The following ATP10A variants were observed in gnomAD, a reference collection of about 807,000 sequenced individuals.
The protein encoded by ATP10A is ATPase phospholipid transporting 10A (putative).
A neutral mutation model predicts 147.8 loss-of-function variants in ATP10A; 111 were observed. That is an observed-to-expected ratio of 0.75 (90% confidence interval 0.64 to 0.88). ATP10A has a LOEUF of 0.88. Ranked by LOEUF, ATP10A falls within the 40% of genes least tolerant of loss-of-function variation. ATP10A has a pLI of 0.00. For synonymous variants in ATP10A, 875 were observed against 841.6 expected (o/e 1.04, Z -0.69); for missense variants, 1,927 against 1,959.0 (o/e 0.98, Z 0.31).
chr15:25,811,969 C>T (rs1891453601), intron 1 of ATP10A, among the ~76,000 whole-genome samples: 1 of 152,208 alleles, frequency 6.6e-6, no homozygotes, highest in Admixed American at 6.5e-5. Context: ...CGCTCCAGCC[C>T]CAGCTGGTGC....
chr15:25,711,466 C>T (rs1236793810), intron 10 of ATP10A, among the ~76,000 whole-genome samples: 4 of 152,040 alleles, frequency 2.6e-5, no homozygotes, highest in Admixed American at 6.5e-5. Context: ...TGGGTAACTT[C>T]GAGGGGACTC....
intron 2 of ATP10A, among the ~76,000 whole-genome samples, chr15:25,769,170 G>C (rs149645516): frequency 1.3e-5 from 2 of 152,160 alleles, no homozygotes; most frequent in African/African-American, 4.8e-5. Context: ...TTGATCCACT[G>C]TTATCCACAG....
At chr15:25,696,170 G>C (rs182571977) in intron 13 of ATP10A, among the ~76,000 whole-genome samples, 80 of 152,314 alleles carry the variant, frequency 5.3e-4, no homozygotes, top group Non-Finnish European at 5.6e-4. Flanking sequence ...ACACACCACG[G>C]AAATCCAGCT....
intron 15 of ATP10A, among the ~76,000 whole-genome samples, chr15:25,688,879 G>A (rs988520692): frequency 6.6e-6 from 1 of 152,190 alleles, no homozygotes; most frequent in African/African-American, 2.4e-5. Context: ...TTCGTGTTCT[G>A]TAATGCTTTA....
chr15:25,777,891 C>T (rs1395436799), intron 2 of ATP10A, among the ~76,000 whole-genome samples: 11 of 150,802 alleles, frequency 7.3e-5, no homozygotes, highest in Non-Finnish European at 1.2e-4. Context: ...GGATTATGGG[C>T]GTGAGCCACT....
chr15:25,701,936 T>C lies in ATP10A; in HGVS notation c.2740A>G (p.Thr914Ala), dbSNP rs1283997114. 1 of 1,609,484 alleles carries C rather than the reference T, an allele frequency of 6.2e-7. No homozygotes were observed. Among genetic ancestry groups the C allele is most frequent in the African/African-American group, 1.3e-5 (1 of 74,814 alleles). ...KLLDHDEEVI[T>A]LNATSQEACA... ...CCTACCTGGGAGGTGGCATTCAGGG[T>C]GATGACCTCCTCGTCGTGGTCCAGC... The change falls in exon 13 of 21, where the codon ACC (threonine) becomes GCC (alanine). Residue 914 changes from threonine (T) to alanine (A), a missense_variant. By Grantham distance (58) the Thr-to-Ala change is moderately conservative. Coordinates refer to ENST00000555815, the MANE Select transcript of ATP10A (RefSeq NM_024490.4).
At chr15:25,805,564 T>G (rs912383430) in intron 1 of ATP10A, among the ~76,000 whole-genome samples, 1 of 152,164 alleles carries the variant, frequency 6.6e-6, no homozygotes, top group Non-Finnish European at 1.5e-5. Flanking sequence ...CAGATAAAAG[T>G]CACAGTCTTC....
At chr15:25,749,450 G>C (rs562637143) in intron 2 of ATP10A, among the ~76,000 whole-genome samples, 1 of 152,282 alleles carries the variant, frequency 6.6e-6, no homozygotes, top group South Asian at 2.1e-4. Flanking sequence ...AGGGAACTTA[G>C]GAAAGTCTTG....
chr15:25,779,920 G>C (rs1202181190), intron 2 of ATP10A, among the ~76,000 whole-genome samples: 1 of 150,652 alleles, frequency 6.6e-6, no homozygotes, highest in African/African-American at 2.5e-5. Context: ...AATCAGCCCG[G>C]TTGGAACAGT....
At chr15:25,800,158 A>G (rs1233892991) in intron 1 of ATP10A, among the ~76,000 whole-genome samples, 1 of 152,320 alleles carries the variant, frequency 6.6e-6, no homozygotes, top group East Asian at 1.9e-4. Context: ...TTTTAATGCA[A>G]TATCTTTTAC....
In ATP10A at chr15:25,721,898, T is replaced by C. The variant is rs371893974; in HGVS notation, c.1122A>G (p.Pro374=). 20 of 1,611,180 alleles carry C rather than the reference T, an allele frequency of 1.2e-5. No individual in the cohort carries two copies. The African/African-American group carries it at 2.5e-4, about 20-fold the overall frequency. The change falls in exon 7 of 21, where the codon CCA becomes CCG. Residue 374 remains proline, a synonymous_variant. Coordinates refer to ENST00000555815, the MANE Select transcript of ATP10A (RefSeq NM_024490.4). The part of the protein sequence containing the change: ...TMIIVLQVLI[P]ISLYVSIEIV... ...TTTCAATGGAAACGTATAAGGAAAT[T>C]GGGATCAAAACCTGGAAGAGACAAG...
chr15:25,828,311 T>C (rs986264401), intron 1 of ATP10A, among the ~76,000 whole-genome samples: 3 of 152,214 alleles, frequency 2.0e-5, no homozygotes, highest in Admixed American at 2.0e-4. Context: ...CAGACAACTG[T>C]AGAATACTCT....
chr15:25,798,157 TAG>T, intron 1 of ATP10A, among the ~76,000 whole-genome samples: 2 of 152,254 alleles, frequency 1.3e-5, no homozygotes, highest in East Asian at 3.9e-4. Flanking sequence ...TTCACTGACA[TAG>T]GCAGTCTCAG....
Position 25,708,305 on chromosome 15 carries a change from G to A in ATP10A, c.2345-5C>T. Reference sequence around the variant, plus strand: ...GATGCCTCCCTCTGGCGTCAACTAGGTTGGAGAATAAGCAGAAACATGGGT... The same window carrying A: ...GATGCCTCCCTCTGGCGTCAACTAGATTGGAGAATAAGCAGAAACATGGGT... On this transcript the variant is annotated splice_polypyrimidine_tract_variant and splice_region_variant and intron_variant, in intron 10 of 20. Transcript: ENST00000555815. 1 of 1,612,714 alleles carries A rather than the reference G, an allele frequency of 6.2e-7. No individual in the cohort carries two copies. The highest frequency in any genetic ancestry group is 8.5e-7 in the Non-Finnish European group (1 of 1,178,710).
chr15:25,845,473 G>A (rs551565202), intron 1 of ATP10A, among the ~76,000 whole-genome samples: 4 of 152,252 alleles, frequency 2.6e-5, no homozygotes, highest in Admixed American at 2.0e-4. Context: ...TCACAGTCAT[G>A]TCCCTGTTAC....
chr15:25,785,397 C>A (rs1023749396), intron 1 of ATP10A, among the ~76,000 whole-genome samples: 12 of 152,230 alleles, frequency 7.9e-5, no homozygotes, highest in Non-Finnish European at 1.3e-4. Context: ...CCTGCCCACA[C>A]CTCGGTGTCT....
upstream of ATP10A, chr15:25,863,797 T>G (rs1893884594): frequency 6.6e-6 from 1 of 152,286 alleles, no homozygotes; most frequent in Non-Finnish European, 1.5e-5. Flanking sequence ...GAAGGGCGAT[T>G]CCGCGTTGCC....
intron 2 of ATP10A, among the ~76,000 whole-genome samples, chr15:25,764,517 C>T (rs1327163513): frequency 6.6e-6 from 1 of 151,510 alleles, no homozygotes; most frequent in Non-Finnish European, 1.5e-5. Context: ...AGTTCTGCCT[C>T]TCTCTCTCTC....
chr15:25,770,320 C>A (rs1260653144), intron 2 of ATP10A, among the ~76,000 whole-genome samples: 1 of 152,218 alleles, frequency 6.6e-6, no homozygotes, highest in Non-Finnish European at 1.5e-5. Context: ...GGTGACGCTG[C>A]TCTGCAGAGA....
Sources: gnomAD v4.1 joint callset for allele counts (sites outside exome capture counted in the v4.1 genomes callset) on GRCh38, gnomAD v4.1.1 for gene constraint, MANE v1.5 for transcripts, NCBI Gene and HGNC (gene_info 2026-07-23, HGNC 2026-07-21) for gene names.